BRD4: variants seen among roughly 807,000 people sequenced by gnomAD.
The protein encoded by BRD4 is bromodomain-containing protein 4.
In BRD4, 16 loss-of-function variants were observed where a neutral mutation model predicts 142.1. That is an observed-to-expected ratio of 0.11 (90% CI 0.08 to 0.17). BRD4 has a LOEUF of 0.17. BRD4 is among the 10% of genes least tolerant of loss of function. BRD4 has a pLI of 1.00. For missense variants in BRD4, 1,424 were observed against 1,810.9 expected, an observed-to-expected ratio of 0.79 and a Z score of 3.88; for synonymous variants, 833 against 707.5, an observed-to-expected ratio of 1.18 and a Z score of -2.82.
intron 1 of BRD4, among the ~76,000 whole-genome samples, chr19:15,285,291 T>C (rs977463510): frequency 2.6e-5 from 4 of 152,232 alleles, no homozygotes; most frequent in Non-Finnish European, 4.4e-5. Flanking sequence ...TGGCAGTCCC[T>C]AGGAACGCCT....
rs2047190647 is a variant in BRD4, at chr19:15,236,170, G to C, written c.*2207C>G. On this transcript the variant is annotated 3_prime_UTR_variant, in exon 20 of 20. Coordinates refer to ENST00000679869, the MANE Select transcript of BRD4 (RefSeq NM_001379291.1). Reference sequence around the variant, plus strand: ...CAGGTCAAAAAGAGGGGATGTAGGAGAATAAACAGTGCTAGAAATGTTTCA... The same window carrying C: ...CAGGTCAAAAAGAGGGGATGTAGGACAATAAACAGTGCTAGAAATGTTTCA... 1 of 152,188 alleles carries C rather than the reference G, an allele frequency of 6.6e-6. No individual in the cohort carries two copies. The highest frequency in any genetic ancestry group is 6.5e-5 in the Admixed American group (1 of 15,282). 9.4% of individuals were successfully genotyped at this position (152,188 alleles called of 1,614,324 possible). A position where few individuals can be genotyped will look rare whatever the true frequency, so the allele number is the denominator to read the frequency against.
At chr19:15,313,051 G>A (rs2047986059) in intron 1 of BRD4, among the ~76,000 whole-genome samples, 1 of 151,568 alleles carries the variant, frequency 6.6e-6, no homozygotes, top group South Asian at 2.1e-4. Flanking sequence ...CAGCTTGGAT[G>A]AGGGAGACCC....
intron 1 of BRD4, among the ~76,000 whole-genome samples, chr19:15,297,451 C>T (rs1346445989): frequency 6.6e-6 from 1 of 152,194 alleles, no homozygotes; most frequent in Admixed American, 6.5e-5. Flanking sequence ...CCGAACCCCC[C>T]CAAACCCTGG....
intron 11 of BRD4, chr19:15,248,291 C>T (rs2047309697): frequency 4.6e-6 from 1 of 216,226 alleles, no homozygotes; most frequent in Non-Finnish European, 9.3e-6. Flanking sequence ...CAGGGGCTGT[C>T]GTCATTCTAA....
intron 1 of BRD4, among the ~76,000 whole-genome samples, chr19:15,322,289 T>C (rs1351915366): frequency 1.3e-5 from 2 of 152,134 alleles, no homozygotes; most frequent in Non-Finnish European, 2.9e-5. Context: ...TGTTTTCTTC[T>C]GAGATGGAGT....
In BRD4 at chr19:15,242,883, G is replaced by C. The variant is rs369615550; in HGVS notation, c.3169+17C>G. 9 of 1,598,582 alleles carry C rather than the reference G, an allele frequency of 5.6e-6. No homozygotes were observed. In the South Asian group the frequency reaches 9.1e-5, roughly 16 times the overall value. ...CAGCACCAGCCTCCCCAGAGTCTAC[G>C]GGTGAGGACCACTTACCGGTTGAGT... On this transcript the variant is annotated intron_variant, in intron 14 of 19. Coordinates refer to ENST00000679869, the MANE Select transcript of BRD4 (RefSeq NM_001379291.1).
chr19:15,262,194 G>A (rs1252189386), intron 7 of BRD4, among the ~76,000 whole-genome samples: 2 of 152,142 alleles, frequency 1.3e-5, no homozygotes, highest in Non-Finnish European at 2.9e-5. Flanking sequence ...GGCTCTGCCT[G>A]GCACCGATCC....
intron 11 of BRD4, chr19:15,253,273 G>T (rs774363782): frequency 2.6e-4 from 128 of 494,776 alleles, no homozygotes; most frequent in South Asian, 1.4e-3. Flanking sequence ...GGGCACCATG[G>T]CTCCCTCCCT....
chr19:15,306,392 C>T (rs534295629), intron 1 of BRD4, among the ~76,000 whole-genome samples: 1 of 152,310 alleles, frequency 6.6e-6, no homozygotes, highest in African/African-American at 2.4e-5. Context: ...TCTCAGCCTC[C>T]CAAGTAGCTG....
chr19:15,331,306 G>C (rs1281382941), intron 1 of BRD4, among the ~76,000 whole-genome samples: 1 of 152,172 alleles, frequency 6.6e-6, no homozygotes, highest in East Asian at 1.9e-4. Context: ...CCCAAGCCTT[G>C]GGGGCATCTC....
rs1017018376 is a variant in BRD4 at position 15,323,178 on chromosome 19, T to TAAAAAAAAAAAAAAA, written c.-35+9097_-35+9111dup. On this transcript the variant is annotated intron_variant, in intron 1 of 19. Transcript: ENST00000679869. ...GCAACACAGCAAGACTCCATCTCTT[T>TAAAAAAAAAAAAAAA]AAAAAAAAAAAAAAAAAAAAAAAAA... 9.6e-5 allele frequency among the ~76,000 whole-genome samples: 7 copies of TAAAAAAAAAAAAAAA among 73,070 alleles called. 1 individual carries two copies. The highest frequency in any genetic ancestry group is 6.4e-4 in the South Asian group (1 of 1,568). The allele number at this position is 73,070 out of a possible 152,430, so 47.9% of individuals were successfully genotyped here.
chr19:15,313,499 C>G (rs2047991370), intron 1 of BRD4, among the ~76,000 whole-genome samples: 1 of 151,260 alleles, frequency 6.6e-6, no homozygotes, highest in African/African-American at 2.4e-5. Context: ...CATGGTGAAA[C>G]CCTGTCTCTA....
rs2047515443 is a variant in BRD4 at position 15,264,915 on chromosome 19, G to A, written c.850-149C>T. On this transcript the variant is annotated intron_variant, in intron 5 of 19. Coordinates refer to ENST00000679869, the MANE Select transcript of BRD4 (RefSeq NM_001379291.1). ...GATAATTGCACAGGCAAAGGGCCAA[G>A]GACAGGCAGATCGTGTCCCACCACT... is the stretch of plus-strand genomic sequence containing the variant. The A allele has an allele frequency of 1.2e-5, 15 of 1,288,036 alleles. No homozygotes were observed. In the South Asian group the frequency reaches 2.2e-4, roughly 19 times the overall value. The allele number at this position is 1,288,036 out of a possible 1,614,324, so 79.8% of individuals were successfully genotyped here. A position where few individuals can be genotyped will look rare whatever the true frequency, so the allele number is the denominator to read the frequency against.
At chr19:15,296,897 C>T (rs1045780805) in intron 1 of BRD4, among the ~76,000 whole-genome samples, 1 of 151,950 alleles carries the variant, frequency 6.6e-6, no homozygotes, top group South Asian at 2.1e-4. Context: ...GCCCACCTCT[C>T]ATGGAGAGTA....
chr19:15,309,338 C>CAAAAAAAAA (rs59956347), intron 1 of BRD4, among the ~76,000 whole-genome samples: 1 of 72,936 alleles, frequency 1.4e-5, no homozygotes. Context: ...ACTCCACCTC[C>CAAAAAAAAA]AAAAAAAAAA....
At chr19:15,266,076 A>C (rs746807064) in intron 4 of BRD4, among the ~76,000 whole-genome samples, 15 of 152,216 alleles carry the variant, frequency 9.9e-5, no homozygotes, top group Non-Finnish European at 2.2e-4. Context: ...AGGTTTCTGG[A>C]AACTGGCAGG....
chr19:15,328,957 G>C (rs553283249), intron 1 of BRD4, among the ~76,000 whole-genome samples: 1 of 152,286 alleles, frequency 6.6e-6, no homozygotes, highest in African/African-American at 2.4e-5. Context: ...ATTTTTAATA[G>C]AGACGTGGTT....
intron 1 of BRD4, among the ~76,000 whole-genome samples, chr19:15,309,511 C>T (rs932579294): frequency 6.6e-6 from 1 of 152,136 alleles, no homozygotes; most frequent in Non-Finnish European, 1.5e-5. Context: ...TCTGGCAGTT[C>T]CTCCAAAAGG....
chr19:15,251,443 GGGGGGGGGGGGGC>G lies in BRD4; in HGVS notation c.2158+2696_2158+2708del, dbSNP rs1267930006. ...TCCAAATGGAAACACAAGAACGGGGGGGGGGGGGGGGGCGGGGGCGCGGGCCTGCAAATCAACT... is the reference window on the plus strand; with the variant it reads ...TCCAAATGGAAACACAAGAACGGGGGGGGGGCGCGGGCCTGCAAATCAACT... On this transcript the variant is annotated intron_variant, in intron 11 of 19. Transcript: ENST00000679869. Among the ~76,000 whole-genome samples the G allele has an allele frequency of 2.8e-5, 3 of 106,926 alleles. 1 individual carries two copies. The highest frequency in any genetic ancestry group is 7.4e-5 in the African/African-American group (2 of 27,132). 70.1% of individuals were successfully genotyped at this position (106,926 alleles called of 152,430 possible). A position where few individuals can be genotyped will look rare whatever the true frequency, so the allele number is the denominator to read the frequency against.
Sources: gnomAD v4.1 joint callset for allele counts (sites outside exome capture counted in the v4.1 genomes callset) on GRCh38, gnomAD v4.1.1 for gene constraint, MANE v1.5 for transcripts, NCBI Gene and HGNC (gene_info 2026-07-23, HGNC 2026-07-21) for gene names.